SYCE1: variants seen among roughly 807,000 people sequenced by gnomAD.
SYCE1 encodes synaptonemal complex central element protein 1.
A neutral mutation model predicts 55.1 loss-of-function variants in SYCE1; 37 were observed. The observed-to-expected ratio is 0.67, with a 90% CI of 0.52 to 0.88. The LOEUF is 0.88. SYCE1 is among the 40% of genes least tolerant of loss of function. The probability of loss-of-function intolerance (pLI) is 0.00; values close to 1 mark genes in which losing one functional copy is unlikely to be tolerated. For synonymous variants in SYCE1, 163 were observed against 159.4 expected (o/e 1.02, Z -0.17); for missense variants, 399 against 416.4 (o/e 0.96, Z 0.36).
At position 133,565,532 on chromosome 10, in the gene SYCE1, C is replaced by G; in HGVS notation, c.-3G>C. 6.5e-7 allele frequency: 1 copy of G among 1,549,688 alleles called. No homozygotes were observed. Among genetic ancestry groups the G allele is most frequent in the Non-Finnish European group, 8.7e-7 (1 of 1,146,770 alleles). On this transcript the variant is annotated 5_prime_UTR_variant, in exon 1 of 13. Transcript: ENST00000343131. ...GATGTCAGGGACCTCCCCGCCATTT[C>G]CTCTCAGCTCGCCAGCGAGGGTGCC... is the stretch of plus-strand genomic sequence containing the variant.
downstream of SYCE1, chr10:133,554,064 TAC>T (rs1314814994): frequency 5.8e-5 from 24 of 413,348 alleles, no homozygotes; most frequent in Non-Finnish European, 6.4e-5. Context: ...TTAACTGAAT[TAC>T]AGTTTTAAAA....
In SYCE1 at chr10:133,555,084, G is replaced by C. The variant is rs1851623079; in HGVS notation, c.964C>G (p.Gln322Glu). ...LKGERPGAAH[Q>E]AGPDVLIGQE... ...CCTATGAGGACATCAGGCCCTGCTT[G>C]GTGTGCAGCTCCAGGTCTTTCTCCT... is the stretch of plus-strand genomic sequence containing the variant. Residue 322 changes from glutamine (Q) to glutamate (E), a missense_variant, in exon 13 of 13, where the codon CAA becomes GAA. Physicochemically the swap from Gln to Glu is conservative, Grantham distance 29. Transcript: ENST00000343131. 1 of 1,551,352 alleles carries C rather than the reference G, an allele frequency of 6.4e-7. No homozygotes were observed. The highest frequency in any genetic ancestry group is 8.7e-7 in the Non-Finnish European group (1 of 1,146,956).
intron 4 of SYCE1, 35 bp downstream of exon 4, chr10:133,558,842 T>C (rs1045429583): frequency 6.2e-7 from 1 of 1,607,826 alleles, no homozygotes; most frequent in East Asian, 2.2e-5. Context: ...CTTAAGACAC[T>C]GTGGGGACCT....
At chr10:133,560,409 A>C (rs1851792255) in intron 1 of SYCE1, 1 of 302,814 alleles carries the variant, frequency 3.3e-6, no homozygotes, top group Admixed American at 4.9e-5. Flanking sequence ...GGCTGTTCAA[A>C]GTAAGATCAA....
At chr10:133,565,672 G>A (rs1413427213), upstream of SYCE1, 1 of 795,768 alleles carries the variant, frequency 1.3e-6, no homozygotes, top group South Asian at 2.0e-5. Context: ...GTAATTCTCC[G>A]GCAGGCCTGC....
intron 1 of SYCE1, among the ~76,000 whole-genome samples, chr10:133,565,186 C>G (rs913568155): frequency 1.3e-5 from 2 of 152,182 alleles, no homozygotes; most frequent in Admixed American, 6.5e-5. Context: ...TATGTAAAGT[C>G]TGTGGGACAA....
At chr10:133,561,407 C>T (rs1010592317) in intron 1 of SYCE1, among the ~76,000 whole-genome samples, 3 of 152,164 alleles carry the variant, frequency 2.0e-5, no homozygotes, top group Non-Finnish European at 4.4e-5. Flanking sequence ...CCTCATTTCC[C>T]AAAATTCGCT....
chr10:133,558,159 G>C lies in SYCE1; in HGVS notation c.319+8C>G. ...GCACAAGCCTGGAGACAGGGGAGCG[G>C]CAAATACCTTGTTTTTTGCTCAAGA... On this transcript the variant is annotated splice_region_variant and intron_variant, in intron 5 of 12. Coordinates refer to ENST00000343131, the MANE Select transcript of SYCE1 (RefSeq NM_001143764.3). The C allele has an allele frequency of 6.2e-7, 1 of 1,614,134 alleles. No homozygotes were observed. Among genetic ancestry groups the C allele is most frequent in the Non-Finnish European group, 8.5e-7 (1 of 1,180,000 alleles).
intron 1 of SYCE1, among the ~76,000 whole-genome samples, chr10:133,561,398 C>T (rs1851811646): frequency 6.6e-6 from 1 of 152,162 alleles, no homozygotes; most frequent in African/African-American, 2.4e-5. Context: ...CAGGGAATCC[C>T]TCATTTCCCA....
chr10:133,568,131 C>A (rs193082128), upstream of SYCE1: 1,180 of 815,028 alleles, frequency 1.4e-3, no homozygotes, highest in Non-Finnish European at 2.1e-3. Context: ...AGGGCGCCAC[C>A]CAGCCCGACA....
At position 133,555,637 on chromosome 10, in the gene SYCE1, G is replaced by T; in HGVS notation, c.790C>A (p.Leu264Met). ...LAAAAQRHQQ[L>M]QQKCQQQQQK... Reference sequence around the variant, plus strand: ...TGCTGTTGTTGGCACTTCTGCTGCAGCTGCTGGTGGCGCTGGGCAGCAGCT... The same window carrying T: ...TGCTGTTGTTGGCACTTCTGCTGCATCTGCTGGTGGCGCTGGGCAGCAGCT... Residue 264 changes from leucine (L) to methionine (M), a missense_variant, in exon 11 of 13, where the codon CTG becomes ATG. Physicochemically the swap from Leu to Met is conservative, Grantham distance 15. Coordinates refer to ENST00000343131, the MANE Select transcript of SYCE1 (RefSeq NM_001143764.3). The T allele has an allele frequency of 6.2e-7, 1 of 1,605,718 alleles. No homozygotes were observed.
upstream of SYCE1, among the ~76,000 whole-genome samples, chr10:133,565,823 C>G (rs1443952745): frequency 1.3e-5 from 2 of 152,244 alleles, no homozygotes; most frequent in Admixed American, 6.5e-5. Flanking sequence ...CCGAGGGGAC[C>G]GGCCCTGGTT....
At chr10:133,568,262 C>T (rs3020503), upstream of SYCE1, 1,205,642 of 1,413,506 alleles carry the variant, frequency 0.85, 524,057 homozygotes, top group Non-Finnish European at 0.89. Flanking sequence ...CCGCGTTCCC[C>T]GGGTCCCGCG....
chr10:133,558,000 G>C (rs1053107108), intron 5 of SYCE1, 82 bp from the exon 6 acceptor site: 2 of 1,565,320 alleles, frequency 1.3e-6, no homozygotes, highest in Non-Finnish European at 1.8e-6. Context: ...GATCATGTCA[G>C]GTCTGTGGAC....
At chr10:133,558,479 C>T (rs1054054184) in intron 4 of SYCE1, 5 of 565,212 alleles carry the variant, frequency 8.8e-6, no homozygotes, top group East Asian at 5.9e-5. Context: ...CCAACACCCA[C>T]GAAGTGGGAT....
At chr10:133,567,862 T>C (rs545432869), upstream of SYCE1, 46 of 445,782 alleles carry the variant, frequency 1.0e-4, no homozygotes, top group East Asian at 2.3e-3. Context: ...GCAGGGCCCA[T>C]GGTCTCCTCT....
upstream of SYCE1, chr10:133,567,783 T>G (rs1323085583): frequency 2.4e-5 from 8 of 327,242 alleles, no homozygotes; most frequent in South Asian, 1.4e-4. Context: ...GTGGCTGGGC[T>G]GTTGGTACAG....
At chr10:133,565,863 C>G (rs1330268337), upstream of SYCE1, among the ~76,000 whole-genome samples, 1 of 152,234 alleles carries the variant, frequency 6.6e-6, no homozygotes, top group Non-Finnish European at 1.5e-5. Flanking sequence ...ACGAGCAGTA[C>G]GCATGTGTAG....
At chr10:133,565,217 C>T (rs1232763277) in intron 1 of SYCE1, among the ~76,000 whole-genome samples, 1 of 152,174 alleles carries the variant, frequency 6.6e-6, no homozygotes, top group Non-Finnish European at 1.5e-5. Flanking sequence ...TGTCTTTTGA[C>T]TAATTACCTA....
Sources: gnomAD v4.1 joint callset for allele counts (sites outside exome capture counted in the v4.1 genomes callset) on GRCh38, gnomAD v4.1.1 for gene constraint, MANE v1.5 for transcripts, NCBI Gene and HGNC (gene_info 2026-07-23, HGNC 2026-07-21) for gene names.